The following EIPR1 variants were observed in gnomAD, a reference collection of about 807,000 sequenced individuals.
EIPR1 encodes EARP complex and GARP complex interacting protein 1.
Under a neutral mutation model 48.1 loss-of-function variants are expected in EIPR1, and 25 were observed. The observed-to-expected ratio is 0.52, with a 90% CI of 0.38 to 0.73. EIPR1 has a LOEUF of 0.73. Among genes scored for constraint, EIPR1 ranks in the 30% least tolerant of loss-of-function variants. The probability of loss-of-function intolerance (pLI) is 0.00; values close to 1 mark genes in which losing one functional copy is unlikely to be tolerated. For synonymous variants in EIPR1, 204 were observed against 201.9 expected, an observed-to-expected ratio of 1.01 and a Z score of -0.09; for missense variants, 415 against 506.2, an observed-to-expected ratio of 0.82 and a Z score of 1.73.
At chr2:3,201,043 G>A (rs140352962) in intron 5 of EIPR1, among the ~76,000 whole-genome samples, 203 of 152,290 alleles carry the variant, frequency 1.3e-3, no homozygotes, top group African/African-American at 4.7e-3. Context: ...GGGGTGTCTC[G>A]GGACCAAGAG....
chr2:3,227,015 T>C (rs981165040), intron 4 of EIPR1, among the ~76,000 whole-genome samples: 44 of 152,216 alleles, frequency 2.9e-4, no homozygotes, highest in Non-Finnish European at 8.8e-5. Context: ...GTCTCAGTTA[T>C]GCCTTTATTA....
At chr2:3,220,224 G>A (rs1421016892) in intron 4 of EIPR1, among the ~76,000 whole-genome samples, 2 of 152,156 alleles carry the variant, frequency 1.3e-5, no homozygotes, top group Non-Finnish European at 2.9e-5. Context: ...AGGCAGGTAT[G>A]CACACACACA....
At chr2:3,224,349 C>T (rs888386271) in intron 4 of EIPR1, among the ~76,000 whole-genome samples, 1 of 152,218 alleles carries the variant, frequency 6.6e-6, no homozygotes, top group Non-Finnish European at 1.5e-5. Flanking sequence ...CAGCTCCTAC[C>T]ATGCGCCCGG....
chr2:3,326,602 T>C (rs1338847428), intron 3 of EIPR1, among the ~76,000 whole-genome samples: 1 of 152,196 alleles, frequency 6.6e-6, no homozygotes, highest in African/African-American at 2.4e-5. Flanking sequence ...TAAGTTCTCA[T>C]GTCCAGGGTG....
intron 4 of EIPR1, among the ~76,000 whole-genome samples, chr2:3,254,587 T>G (rs1333626446): frequency 6.6e-6 from 1 of 152,118 alleles, no homozygotes; most frequent in African/African-American, 2.4e-5. Context: ...TCAAGCCGAG[T>G]AAAGAACATC....
intron 4 of EIPR1, among the ~76,000 whole-genome samples, chr2:3,228,101 G>A (rs1558236901): frequency 6.6e-6 from 1 of 152,260 alleles, no homozygotes; most frequent in Non-Finnish European, 1.5e-5. Flanking sequence ...ACCCAAGAAT[G>A]GTAGATCCAC....
At chr2:3,271,529 T>A (rs926096408) in intron 3 of EIPR1, among the ~76,000 whole-genome samples, 1 of 152,230 alleles carries the variant, frequency 6.6e-6, no homozygotes, top group Non-Finnish European at 1.5e-5. Flanking sequence ...GTTTCTTTGG[T>A]ACCTCCCCTT....
At chr2:3,209,868 G>A (rs1665382700) in intron 5 of EIPR1, among the ~76,000 whole-genome samples, 1 of 152,204 alleles carries the variant, frequency 6.6e-6, no homozygotes, top group Non-Finnish European at 1.5e-5. Flanking sequence ...GGCTTGGAGA[G>A]AGAGCATGAG....
intron 4 of EIPR1, among the ~76,000 whole-genome samples, chr2:3,246,264 C>A (rs1666790868): frequency 6.6e-6 from 1 of 152,138 alleles, no homozygotes; most frequent in Admixed American, 6.5e-5. Context: ...GCTATCAGTT[C>A]ACTCCTCTTT....
At position 3,377,813 on chromosome 2, in the gene EIPR1, C is replaced by A; in HGVS notation, c.-124G>T. ...ATTCCCTCCCCGCAGCAAACGACTCCAAACTGGAAGTCTTTCTGGCCCAGA... is the reference window on the plus strand; with the variant it reads ...ATTCCCTCCCCGCAGCAAACGACTCAAAACTGGAAGTCTTTCTGGCCCAGA... On this transcript the variant is annotated 5_prime_UTR_variant, in exon 1 of 9. Coordinates refer to ENST00000382125, the MANE Select transcript of EIPR1 (RefSeq NM_003310.5). 8.6e-7 allele frequency: 1 copy of A among 1,162,440 alleles called. No homozygotes were observed. Among genetic ancestry groups the A allele is most frequent in the South Asian group, 1.4e-5 (1 of 69,868 alleles). 72.0% of individuals were successfully genotyped at this position (1,162,440 alleles called of 1,614,324 possible). A position where few individuals can be genotyped will look rare whatever the true frequency, so the allele number is the denominator to read the frequency against.
At chr2:3,318,531 G>A (rs1669387676) in intron 3 of EIPR1, among the ~76,000 whole-genome samples, 1 of 152,218 alleles carries the variant, frequency 6.6e-6, no homozygotes, top group Admixed American at 6.5e-5. Flanking sequence ...AAGAGTCAGT[G>A]AGGAACGCAA....
At chr2:3,325,728 G>C (rs114751798) in intron 3 of EIPR1, among the ~76,000 whole-genome samples, 1 of 152,332 alleles carries the variant, frequency 6.6e-6, no homozygotes, top group African/African-American at 2.4e-5. Context: ...TTTCACTTGA[G>C]AGATTACCGC....
chr2:3,303,263 C>A (rs951258180), intron 3 of EIPR1, among the ~76,000 whole-genome samples: 1 of 152,240 alleles, frequency 6.6e-6, no homozygotes, highest in South Asian at 2.1e-4. Context: ...AGGCAGCTCA[C>A]TCTCACCAGC....
intron 3 of EIPR1, among the ~76,000 whole-genome samples, chr2:3,303,050 G>A (rs1051754152): frequency 2.6e-5 from 4 of 152,198 alleles, no homozygotes; most frequent in Admixed American, 6.5e-5. Context: ...TGACAGTGGC[G>A]CTGGCTCACA....
rs149212186 is a variant in EIPR1 at position 3,249,112 on chromosome 2, G to T, written c.416+8187C>A. Among the ~76,000 whole-genome samples, 344 of 152,256 alleles carry T rather than the reference G, an allele frequency of 2.3e-3. 2 individuals are homozygous for T. The highest frequency in any genetic ancestry group is 7.9e-3 in the African/African-American group (328 of 41,560). ...GCAGCTTTGAGACTGGGTAACGAGC[G>T]GAGGTTGAAGGAATTTGGAGGGCTC... On this transcript the variant is annotated intron_variant, in intron 4 of 8. Coordinates refer to ENST00000382125, the MANE Select transcript of EIPR1 (RefSeq NM_003310.5).
chr2:3,289,229 T>C (rs1668295999), intron 3 of EIPR1, among the ~76,000 whole-genome samples: 1 of 152,186 alleles, frequency 6.6e-6, no homozygotes, highest in African/African-American at 2.4e-5. Context: ...CCTGTCTCTT[T>C]CTTCTCAATC....
chr2:3,269,513 T>C (rs1235769659), intron 3 of EIPR1, among the ~76,000 whole-genome samples: 2 of 27,564 alleles, frequency 7.3e-5, no homozygotes, highest in African/African-American at 1.2e-4. Flanking sequence ...TCAATCATCA[T>C]CACACTCAAT....
chr2:3,334,606 G>A (rs1669990133), intron 3 of EIPR1, among the ~76,000 whole-genome samples: 1 of 152,230 alleles, frequency 6.6e-6, no homozygotes, highest in Non-Finnish European at 1.5e-5. Context: ...GTGCTTCGAA[G>A]GGCGAAGAGC....
intron 1 of EIPR1, among the ~76,000 whole-genome samples, chr2:3,370,000 G>C (rs1481497616): frequency 1.3e-5 from 2 of 152,106 alleles, no homozygotes; most frequent in Non-Finnish European, 2.9e-5. Context: ...CGTAGGGGCA[G>C]ACTGACACCT....
Sources: gnomAD v4.1 joint callset for allele counts (sites outside exome capture counted in the v4.1 genomes callset) on GRCh38, gnomAD v4.1.1 for gene constraint, MANE v1.5 for transcripts, NCBI Gene and HGNC (gene_info 2026-07-23, HGNC 2026-07-21) for gene names.